Variants in CLASP2 observed in about 807,000 individuals in gnomAD.
The protein encoded by CLASP2 is cytoplasmic linker associated protein 2, also known as CLIP-associating protein 2.
Under a neutral mutation model 194.4 loss-of-function variants are expected in CLASP2, and 47 were observed. That is an observed-to-expected ratio of 0.24 (90% confidence interval 0.19 to 0.31). The LOEUF is 0.31. CLASP2 is among the 10% of genes least tolerant of loss of function. The pLI, the probability that CLASP2 is intolerant of heterozygous loss-of-function variation, is 1.00. For missense variants in CLASP2, 1,445 were observed against 1,823.6 expected, an observed-to-expected ratio of 0.79 and a Z score of 3.78; for synonymous variants, 619 against 633.5, an observed-to-expected ratio of 0.98 and a Z score of 0.34.
At chr3:33,714,226 T>C (rs2154359247) in intron 1 of CLASP2, among the ~76,000 whole-genome samples, 1 of 152,336 alleles carries the variant, frequency 6.6e-6, no homozygotes. Flanking sequence ...TTTATTGCCA[T>C]AATGCCATTT....
intron 14 of CLASP2, among the ~76,000 whole-genome samples, 194 bp downstream of exon 14, chr3:33,608,369 CACAA>C (rs545123680): frequency 1.4e-4 from 21 of 152,256 alleles, no homozygotes; most frequent in South Asian, 1.0e-3. Context: ...TTACCCATCC[CACAA>C]ACAAAGAAGA....
intron 34 of CLASP2, among the ~76,000 whole-genome samples, chr3:33,525,114 A>G (rs552126703): frequency 6.6e-6 from 1 of 152,244 alleles, no homozygotes; most frequent in East Asian, 1.9e-4. Flanking sequence ...AATCAGTAAC[A>G]GAAGTAAAAC....
intron 6 of CLASP2, among the ~76,000 whole-genome samples, chr3:33,673,442 G>A (rs1351904864): frequency 1.3e-5 from 2 of 152,066 alleles, no homozygotes; most frequent in African/African-American, 2.4e-5. Flanking sequence ...CCTGAAGGAA[G>A]CACTAAACAT....
chr3:33,609,488 C>G (rs1308387728), intron 13 of CLASP2, among the ~76,000 whole-genome samples: 1 of 152,096 alleles, frequency 6.6e-6, no homozygotes, highest in Admixed American at 6.6e-5. Flanking sequence ...TCCTCTATTT[C>G]TCAGTTTCTT....
At chr3:33,577,246 C>A (rs749908038) in intron 23 of CLASP2, 1 of 1,597,960 alleles carries the variant, frequency 6.3e-7, no homozygotes, top group African/African-American at 1.3e-5. Context: ...ACCAGTTGAT[C>A]TGGAATGGTG....
intron 7 of CLASP2, among the ~76,000 whole-genome samples, chr3:33,662,001 T>C (rs1268925239): frequency 1.3e-5 from 2 of 152,200 alleles, no homozygotes. Context: ...CATTTGACCA[T>C]ACTTGCAATA....
At chr3:33,709,844 A>C (rs2092915750) in intron 1 of CLASP2, among the ~76,000 whole-genome samples, 1 of 152,244 alleles carries the variant, frequency 6.6e-6, no homozygotes, top group Non-Finnish European at 1.5e-5. Context: ...TTTGGTTCCT[A>C]ATTTTTCTTA....
intron 29 of CLASP2, chr3:33,558,830 C>T (rs1306436843): frequency 6.5e-6 from 1 of 153,034 alleles, no homozygotes; most frequent in African/African-American, 2.5e-5. Context: ...ATGCCTGACA[C>T]TTAAAAAAAA....
chr3:33,649,708 G>A (rs967236639), intron 7 of CLASP2, among the ~76,000 whole-genome samples: 1 of 151,918 alleles, frequency 6.6e-6, no homozygotes, highest in African/African-American at 2.4e-5. Flanking sequence ...ACCAAAAGCT[G>A]GTATACCAAA....
chr3:33,678,468 TAA>T (rs1449035455), intron 6 of CLASP2, among the ~76,000 whole-genome samples: 1 of 152,186 alleles, frequency 6.6e-6, no homozygotes, highest in Non-Finnish European at 1.5e-5. Context: ...GTGAAATATT[TAA>T]AGTGTTGACA....
rs150647367 is a variant in CLASP2, at chr3:33,650,743, G to A, written c.716-5840C>T. On this transcript the variant is annotated intron_variant, in intron 7 of 38. Coordinates refer to ENST00000682230, the MANE Select transcript of CLASP2 (RefSeq NM_001365631.1). ...GGAAGCGATAAAAGGAAAAAGAGGA[G>A]GGAGAGACTGGAGGAAGAAAGGAGT... Among the ~76,000 whole-genome samples the A allele has an allele frequency of 6.3e-4, 96 of 152,142 alleles. No individual in the cohort carries two copies. In the East Asian group the frequency reaches 0.016, roughly 26 times the overall value.
intron 30 of CLASP2, among the ~76,000 whole-genome samples, chr3:33,549,448 C>G (rs2059650224): frequency 6.6e-6 from 1 of 152,120 alleles, no homozygotes; most frequent in African/African-American, 2.4e-5. Context: ...CAATGTATTT[C>G]TTAGTGTATT....
rs185878958 is a variant in CLASP2 at position 33,508,035 on chromosome 3, C to T, written c.4317+2523G>A. Among the ~76,000 whole-genome samples, 53 of 151,484 alleles carry T rather than the reference C, an allele frequency of 3.5e-4. No individual in the cohort carries two copies. In the Middle Eastern group the frequency reaches 0.021, roughly 59 times the overall value. On this transcript the variant is annotated intron_variant, in intron 37 of 38. Transcript: ENST00000682230. ...TTGGAGACAGGCTCTTGCTTAGTCA[C>T]CCAGGCTGGAATGCAGTGGCATGAT...
At chr3:33,650,308 CA>C (rs2082960824) in intron 7 of CLASP2, among the ~76,000 whole-genome samples, 1 of 152,168 alleles carries the variant, frequency 6.6e-6, no homozygotes, top group South Asian at 2.1e-4. Context: ...ATTTAGGATA[CA>C]TACAGTAGGT....
chr3:33,622,325 A>G, intron 10 of CLASP2, 45 bp from the exon 11 acceptor site: 1 of 1,355,930 alleles, frequency 7.4e-7, no homozygotes, highest in Non-Finnish European at 9.7e-7. Flanking sequence ...GTGGAAGTGC[A>G]AAAAAAAGAA....
At chr3:33,619,811 T>C (rs535651099) in intron 11 of CLASP2, 73 bp from the exon 12 acceptor site, 2 of 1,191,490 alleles carry the variant, frequency 1.7e-6, no homozygotes, top group East Asian at 2.9e-5. Flanking sequence ...AATTTTAAAA[T>C]ACTCTTTTAC....
intron 1 of CLASP2, among the ~76,000 whole-genome samples, chr3:33,711,023 T>C (rs1346334322): frequency 3.9e-5 from 6 of 152,170 alleles, no homozygotes; most frequent in African/African-American, 1.4e-4. Flanking sequence ...GAAGAGGTAC[T>C]AGTAGGACCA....
intron 20 of CLASP2, among the ~76,000 whole-genome samples, chr3:33,594,073 G>A (rs2069550542): frequency 6.6e-6 from 1 of 152,116 alleles, no homozygotes; most frequent in South Asian, 2.1e-4. Context: ...CAAACTTCTG[G>A]ATTCAACCAA....
chr3:33,625,769 T>A (rs1159372071), intron 10 of CLASP2, among the ~76,000 whole-genome samples: 1 of 152,074 alleles, frequency 6.6e-6, no homozygotes, highest in Non-Finnish European at 1.5e-5. Context: ...ACTCCTGGAC[T>A]CAAGCAATCC....
Sources: allele counts gnomAD v4.1 joint callset (sites outside exome capture counted in the v4.1 genomes callset), GRCh38; gene constraint gnomAD v4.1.1; transcripts MANE v1.5; gene names NCBI Gene and HGNC (gene_info 2026-07-23, HGNC 2026-07-21).